The following ANKLE2 variants were observed in gnomAD, a reference collection of about 807,000 sequenced individuals.
The protein encoded by ANKLE2 is ankyrin repeat and LEM domain-containing protein 2.
In ANKLE2, 55 loss-of-function variants were observed where a neutral mutation model predicts 84.2. The ratio of observed to expected loss-of-function variants is 0.65; its 90% CI spans 0.53 to 0.82. The LOEUF is 0.82. Ranked by LOEUF, ANKLE2 falls within the 40% of genes least tolerant of loss-of-function variation. The pLI is 0.00. For synonymous variants in ANKLE2, 551 were observed against 486.1 expected, an observed-to-expected ratio of 1.13 and a Z score of -1.76; for missense variants, 1,238 against 1,201.9, an observed-to-expected ratio of 1.03 and a Z score of -0.44.
chr12:132,752,931 G>T (rs1169734067), intron 2 of ANKLE2, among the ~76,000 whole-genome samples: 1 of 151,606 alleles, frequency 6.6e-6, no homozygotes, highest in South Asian at 2.1e-4. Flanking sequence ...GCTCAGGTGG[G>T]AGGACTGCTT....
intron 7 of ANKLE2, among the ~76,000 whole-genome samples, chr12:132,739,409 T>C (rs556062230): frequency 7.9e-4 from 120 of 152,332 alleles, no homozygotes; most frequent in African/African-American, 2.5e-3. Context: ...ATGCATCCTA[T>C]GTATGTTGGC....
Position 132,750,742 on chromosome 12 carries a change from C to T in ANKLE2, c.748G>A (p.Ala250Thr), listed in dbSNP as rs1272258269. The T allele has an allele frequency of 6.2e-7, 1 of 1,614,246 alleles. No individual in the cohort carries two copies. The change falls in exon 3 of 13, where the codon GCT becomes ACT. Residue 250 changes from alanine (A) to threonine (T), a missense_variant. Coordinates refer to ENST00000357997, the MANE Select transcript of ANKLE2 (RefSeq NM_015114.3). ...FSTREDAEKF[A>T]RGICDYFPSP... ...GGGAAATAATCACAAATTCCTCTAG[C>T]AAATTTCTCAGCGTCTTCTCTGGTA...
In ANKLE2 at chr12:132,730,111, T is replaced by C; in HGVS notation, c.2051A>G (p.Asp684Gly). The change falls in exon 11 of 13, where the codon GAC becomes GGC. Residue 684 changes from aspartate to glycine, a missense_variant. By Grantham distance (94) the Asp-to-Gly change is moderately conservative. Transcript: ENST00000357997. ...CSAFPLEQEA[D>G]LIEAAEPGGP... ...TCCCGGCTCGGCGGCTTCTATGAGG[T>C]CTGCCTCCTGCTCCAAGGGGAAGGC... 1.2e-6 allele frequency: 2 copies of C among 1,612,476 alleles called. No homozygotes were observed. The highest frequency in any genetic ancestry group is 1.7e-6 in the Non-Finnish European group (2 of 1,179,714).
chr12:132,732,814 G>C (rs1261507265), intron 10 of ANKLE2, among the ~76,000 whole-genome samples: 1 of 135,418 alleles, frequency 7.4e-6, no homozygotes, highest in African/African-American at 2.8e-5. Context: ...CCTGGTGTCT[G>C]ACGTGCACCA....
At chr12:132,731,489 T>A (rs542144549) in intron 10 of ANKLE2, 2 of 152,168 alleles carry the variant, frequency 1.3e-5, no homozygotes, top group East Asian at 3.9e-4. Flanking sequence ...GGTTCTATTA[T>A]GACCTTACAC....
chr12:132,736,825 T>C (rs2044018878), intron 8 of ANKLE2, 68 bp downstream of exon 8: 4 of 1,505,260 alleles, frequency 2.7e-6, no homozygotes, highest in Admixed American at 2.2e-5. Context: ...GGCAACAGGC[T>C]GGAACACCCA....
At position 132,743,930 on chromosome 12, in the gene ANKLE2, G is replaced by T. The variant is rs998941241; in HGVS notation, c.1231-654C>A. ...ACAACCAGAATAAAGCAAAGCGCACGAATTTGGTCTGTACTCAAAGAAGTC... is the reference window on the plus strand; with the variant it reads ...ACAACCAGAATAAAGCAAAGCGCACTAATTTGGTCTGTACTCAAAGAAGTC... On this transcript the variant is annotated intron_variant, in intron 5 of 12. Transcript: ENST00000357997. This position sits in a 1 kb window ranked among gnomAD's most constrained non-coding sequence, Gnocchi z 4.1. Among the ~76,000 whole-genome samples, 2 of 152,290 alleles carry T rather than the reference G, an allele frequency of 1.3e-5. No homozygotes were observed. The highest frequency in any genetic ancestry group is 3.9e-4 in the East Asian group (2 of 5,180).
chr12:132,753,376 G>A, intron 2 of ANKLE2, among the ~76,000 whole-genome samples: 1 of 152,000 alleles, frequency 6.6e-6, no homozygotes, highest in East Asian at 1.9e-4. Flanking sequence ...GTGTGTGCCT[G>A]TAATCTTAGC....
chr12:132,753,758 C>A (rs1384837726), intron 2 of ANKLE2, among the ~76,000 whole-genome samples: 1 of 151,102 alleles, frequency 6.6e-6, no homozygotes, highest in East Asian at 2.0e-4. Flanking sequence ...CAAAACAAAA[C>A]AAAACAAAAA....
chr12:132,743,615 C>G lies in ANKLE2; in HGVS notation c.1231-339G>C, dbSNP rs2044175943. ...CCACCTGCCTTTGCCTCCCAAAGTGCTGGGATTACAGGTGTGAGTCACCGA... is the reference window on the plus strand; with the variant it reads ...CCACCTGCCTTTGCCTCCCAAAGTGGTGGGATTACAGGTGTGAGTCACCGA... On this transcript the variant is annotated intron_variant, in intron 5 of 12. Coordinates refer to ENST00000357997, the MANE Select transcript of ANKLE2 (RefSeq NM_015114.3). This position sits in a 1 kb window ranked among gnomAD's most constrained non-coding sequence, Gnocchi z 4.1. Among the ~76,000 whole-genome samples, 1 of 151,002 alleles carries G rather than the reference C, an allele frequency of 6.6e-6. No individual in the cohort carries two copies. The highest frequency in any genetic ancestry group is 1.5e-5 in the Non-Finnish European group (1 of 67,840).
At chr12:132,729,091 G>A (rs901183695) in intron 11 of ANKLE2, among the ~76,000 whole-genome samples, 12 of 151,754 alleles carry the variant, frequency 7.9e-5, no homozygotes, top group Non-Finnish European at 5.9e-5. Context: ...GGTGGCTCAC[G>A]CCTGTGATCC....
rs1325043976 is a variant in ANKLE2, at chr12:132,726,482, G to A, written c.*760C>T. 1.3e-5 allele frequency: 2 copies of A among 152,246 alleles called. No homozygotes were observed. The highest frequency in any genetic ancestry group is 6.5e-5 in the Admixed American group (1 of 15,280). 9.4% of individuals were successfully genotyped at this position (152,246 alleles called of 1,614,324 possible). A position where few individuals can be genotyped will look rare whatever the true frequency, so the allele number is the denominator to read the frequency against. ...ATTACTGCTGCACTGGCTCCTGAAT[G>A]AAGCAGGCGGTGAAGGCTCACGTGC... is the stretch of plus-strand genomic sequence containing the variant. On this transcript the variant is annotated 3_prime_UTR_variant, in exon 13 of 13. Coordinates refer to ENST00000357997, the MANE Select transcript of ANKLE2 (RefSeq NM_015114.3).
At position 132,726,871 on chromosome 12, in the gene ANKLE2, C is replaced by G. The variant is rs927824089; in HGVS notation, c.*371G>C. On this transcript the variant is annotated 3_prime_UTR_variant, in exon 13 of 13. Transcript: ENST00000357997. ...TGCTCACGCCTCCGCCAAGCCCCTC[C>G]TCATCCACAGCGTCTGTCGGATGAG... 5.2e-6 allele frequency: 1 copy of G among 193,858 alleles called. No individual in the cohort carries two copies. The highest frequency in any genetic ancestry group is 2.3e-5 in the African/African-American group (1 of 42,946). 12.0% of individuals were successfully genotyped at this position (193,858 alleles called of 1,614,324 possible). A position where few individuals can be genotyped will look rare whatever the true frequency, so the allele number is the denominator to read the frequency against.
At chr12:132,735,155 A>T in intron 9 of ANKLE2, 1 of 531,904 alleles carries the variant, frequency 1.9e-6, no homozygotes, top group Non-Finnish European at 3.3e-6. Flanking sequence ...AACATGTCCC[A>T]GAACCAACAA....
chr12:132,727,476 G>A (rs1027828296), intron 12 of ANKLE2, 33 bp from the exon 13 acceptor site: 12 of 1,546,238 alleles, frequency 7.8e-6, no homozygotes, highest in Admixed American at 4.0e-5. Flanking sequence ...GTTAGCAGAC[G>A]GGCACAGGCC....
intron 3 of ANKLE2, among the ~76,000 whole-genome samples, chr12:132,749,831 CT>C (rs1171141682): frequency 6.6e-6 from 1 of 152,192 alleles, no homozygotes; most frequent in Non-Finnish European, 1.5e-5. Context: ...TCCAGATGCC[CT>C]AGTCCTTGAA....
chr12:132,737,074 G>C lies in ANKLE2; in HGVS notation c.1421-9C>G, dbSNP rs1321217851. 5.7e-6 allele frequency: 9 copies of C among 1,584,006 alleles called. No individual in the cohort carries two copies. The highest frequency in any genetic ancestry group is 7.8e-6 in the Non-Finnish European group (9 of 1,159,800). Reference sequence around the variant, plus strand: ...GGGCACGTAGTAGTGGCCTGAGGGAGGAGACAGGCACTGGCTGCAGGCTTC... The same window carrying C: ...GGGCACGTAGTAGTGGCCTGAGGGACGAGACAGGCACTGGCTGCAGGCTTC... On this transcript the variant is annotated splice_polypyrimidine_tract_variant and intron_variant, in intron 7 of 12. Coordinates refer to ENST00000357997, the MANE Select transcript of ANKLE2 (RefSeq NM_015114.3).
chr12:132,741,518 T>G, intron 6 of ANKLE2, 33 bp from the exon 7 acceptor site: 2 of 1,591,442 alleles, frequency 1.3e-6, no homozygotes, highest in South Asian at 2.2e-5. Flanking sequence ...TAAATCTTAT[T>G]TGATCGCAAC....
At chr12:132,736,775 T>C in intron 8 of ANKLE2, 118 bp downstream of exon 8, 2 of 1,234,162 alleles carry the variant, frequency 1.6e-6, no homozygotes, top group Non-Finnish European at 2.2e-6. Context: ...GAGGACAACC[T>C]TGGGGCTCCA....
Sources: allele counts gnomAD v4.1 joint callset (sites outside exome capture counted in the v4.1 genomes callset), GRCh38; gene constraint gnomAD v4.1.1; non-coding constraint Gnocchi (gnomAD v3.1); transcripts MANE v1.5; gene names NCBI Gene and HGNC (gene_info 2026-07-23, HGNC 2026-07-21).